The following PDE1C variants were observed in gnomAD, a reference collection of about 807,000 sequenced individuals.
PDE1C encodes the protein dual specificity calcium/calmodulin-dependent 3',5'-cyclic nucleotide phosphodiesterase 1C.
Under a neutral mutation model 93.1 loss-of-function variants are expected in PDE1C, and 62 were observed. The observed-to-expected ratio is 0.67, with a 90% CI of 0.54 to 0.82. The LOEUF (loss-of-function observed/expected upper bound fraction) is 0.82. Among genes scored for constraint, PDE1C ranks in the 40% least tolerant of loss-of-function variants. The pLI, the probability that PDE1C is intolerant of heterozygous loss-of-function variation, is 0.00. For synonymous variants in PDE1C, 325 were observed against 310.1 expected, an observed-to-expected ratio of 1.05 and a Z score of -0.50; for missense variants, 742 against 884.6, an observed-to-expected ratio of 0.84 and a Z score of 2.04.
intron 3 of PDE1C, among the ~76,000 whole-genome samples, chr7:32,156,845 C>T (rs1281429331): frequency 6.6e-6 from 1 of 152,230 alleles, no homozygotes; most frequent in African/African-American, 2.4e-5. Flanking sequence ...CTCAAAGTGT[C>T]TCCCCAAAGG....
At chr7:31,708,070 T>C in the PDE1C span, 2 of 152,226 alleles carry the variant, frequency 1.3e-5, no homozygotes, top group East Asian at 3.8e-4. Context: ...GAATTTACTG[T>C]AAAAAAATTA....
chr7:31,912,102 G>A (rs1340408872), intron 2 of PDE1C, among the ~76,000 whole-genome samples: 1 of 152,142 alleles, frequency 6.6e-6, no homozygotes, highest in Non-Finnish European at 1.5e-5. Flanking sequence ...AGGCAGAAGT[G>A]ATGTTAACAG....
At chr7:31,794,042 A>AGATAGATG (rs1157143757) in intron 16 of PDE1C, among the ~76,000 whole-genome samples, 1 of 84,622 alleles carries the variant, frequency 1.2e-5, no homozygotes, top group Non-Finnish European at 2.4e-5. Flanking sequence ...ATAGATAGAT[A>AGATAGATG]GACAGACAGA....
In PDE1C at chr7:31,985,032, G is replaced by A. The variant is rs140599852; in HGVS notation, c.128+66522C>T. ...TCCTCAAAGTAAAAGAGAGCAAAAT[G>A]TAAGGAAATAATTATAAAAATTGAC... On this transcript the variant is annotated intron_variant, in intron 2 of 17. Coordinates refer to ENST00000396191, the MANE Select transcript of PDE1C (RefSeq NM_001191057.4). 3.1e-3 allele frequency among the ~76,000 whole-genome samples: 474 copies of A among 152,250 alleles called. 4 individuals carry two copies. Among genetic ancestry groups the A allele is most frequent in the African/African-American group, 0.011 (446 of 41,546 alleles).
In PDE1C at chr7:32,269,893, C is replaced by A. The variant is rs1256330815; in HGVS notation, c.85+28758G>T. 2.0e-5 allele frequency among the ~76,000 whole-genome samples: 3 copies of A among 152,160 alleles called. No individual in the cohort carries two copies. In the East Asian group the frequency reaches 5.8e-4, roughly 29 times the overall value. On this transcript the variant is annotated intron_variant, in intron 1 of 18. Coordinates refer to the PDE1C transcript ENST00000396193. ...GGCTCAAAGAATCCTTCCACCTCAA[C>A]CTCCCGAGTAGCTAGGACTACATGC...
chr7:31,938,661 C>G (rs1038503907), intron 2 of PDE1C, among the ~76,000 whole-genome samples: 2 of 152,072 alleles, frequency 1.3e-5, no homozygotes, highest in African/African-American at 4.8e-5. Context: ...GCTCCTAGCA[C>G]ATAAAACTAT....
At chr7:31,795,002 G>C (rs1785105094) in intron 16 of PDE1C, among the ~76,000 whole-genome samples, 1 of 151,934 alleles carries the variant, frequency 6.6e-6, no homozygotes, top group South Asian at 2.1e-4. Context: ...CCAGGGCATA[G>C]AATAAAAATA....
At chr7:31,903,799 T>C in intron 2 of PDE1C, among the ~76,000 whole-genome samples, 1 of 152,142 alleles carries the variant, frequency 6.6e-6, no homozygotes, top group Non-Finnish European at 1.5e-5. Flanking sequence ...CATTTATTAT[T>C]ACAATCTAAT....
intron 3 of PDE1C, among the ~76,000 whole-genome samples, chr7:32,079,102 A>T (rs919796644): frequency 7.2e-5 from 11 of 152,230 alleles, no homozygotes; most frequent in Non-Finnish European, 1.5e-4. Flanking sequence ...GAAGATTTAC[A>T]GATTCTTTTC....
intron 2 of PDE1C, among the ~76,000 whole-genome samples, chr7:31,904,759 T>G (rs1007770245): frequency 6.6e-6 from 1 of 152,184 alleles, no homozygotes; most frequent in African/African-American, 2.4e-5. Context: ...CTATGTTTCA[T>G]GCCTATAACT....
chr7:32,334,129 A>G (rs1783566497), intron 1 of PDE1C, among the ~76,000 whole-genome samples: 1 of 152,194 alleles, frequency 6.6e-6, no homozygotes, highest in Admixed American at 6.5e-5. Flanking sequence ...GATCAATTTT[A>G]CCCTATTTAA....
chr7:32,253,011 C>T (rs76788451), intron 1 of PDE1C, among the ~76,000 whole-genome samples: 8,627 of 152,176 alleles, frequency 0.057, 370 homozygotes, highest in Non-Finnish European at 0.078. Context: ...GGGTTCTAAG[C>T]ATAGGTGTAG....
intron 1 of PDE1C, among the ~76,000 whole-genome samples, chr7:32,409,752 C>CAT (rs1450959104): frequency 2.0e-5 from 3 of 151,470 alleles, no homozygotes; most frequent in Non-Finnish European, 2.9e-5. Flanking sequence ...TGAATAATTT[C>CAT]ATATATATAT....
intron 16 of PDE1C, among the ~76,000 whole-genome samples, chr7:31,802,742 T>C (rs1786227733): frequency 6.6e-6 from 1 of 151,786 alleles, no homozygotes; most frequent in African/African-American, 2.4e-5. Flanking sequence ...AGCTCCACTG[T>C]CTTATTTGCA....
At chr7:32,198,750 C>A (rs1464166690) in intron 2 of PDE1C, among the ~76,000 whole-genome samples, 1 of 152,180 alleles carries the variant, frequency 6.6e-6, no homozygotes, top group Admixed American at 6.5e-5. Context: ...GTTACATGGT[C>A]ACACCTAGCT....
At chr7:32,320,859 A>G (rs1413269417) in intron 1 of PDE1C, among the ~76,000 whole-genome samples, 2 of 152,176 alleles carry the variant, frequency 1.3e-5, no homozygotes, top group East Asian at 1.9e-4. Flanking sequence ...CCAGAGCTGC[A>G]TCTTCCTGAA....
At chr7:32,234,072 CA>C (rs1254402628) in intron 1 of PDE1C, among the ~76,000 whole-genome samples, 1 of 151,760 alleles carries the variant, frequency 6.6e-6, no homozygotes, top group Non-Finnish European at 1.5e-5. Flanking sequence ...GAGTAAATAT[CA>C]GGGGATATTT....
Position 31,886,795 on chromosome 7 carries a change from G to GGATCTTTTCAGAATAGATCTTTTCA in PDE1C, c.129-5936_129-5935insTGAAAAGATCTATTCTGAAAAGATC, listed in dbSNP as rs1562972215. 8.4e-3 allele frequency among the ~76,000 whole-genome samples: 301 copies of GGATCTTTTCAGAATAGATCTTTTCA among 35,798 alleles called. 1 individual carries two copies. The highest frequency in any genetic ancestry group is 0.019 in the South Asian group (19 of 982). 23.5% of individuals were successfully genotyped at this position (35,798 alleles called of 152,430 possible). A position where few individuals can be genotyped will look rare whatever the true frequency, so the allele number is the denominator to read the frequency against. ...AGATCTATTCAGAATAGATCTTTTC[G>GGATCTTTTCAGAATAGATCTTTTCA]GATCTTTTCAGAATAGATCTTTTCG... is the stretch of plus-strand genomic sequence containing the variant. On this transcript the variant is annotated intron_variant, in intron 2 of 17. Transcript: ENST00000396191.
chr7:31,628,936 G>GC, the PDE1C span, among the ~76,000 whole-genome samples: 3 of 151,880 alleles, frequency 2.0e-5, no homozygotes. Flanking sequence ...TTCACAAGAG[G>GC]AAAAAACAAA....
Sources: gnomAD v4.1 joint callset for allele counts (sites outside exome capture counted in the v4.1 genomes callset) on GRCh38, gnomAD v4.1.1 for gene constraint, MANE v1.5 for transcripts, NCBI Gene and HGNC (gene_info 2026-07-23, HGNC 2026-07-21) for gene names.